The following DAZL variants were observed in gnomAD, a reference collection of about 807,000 sequenced individuals.
DAZL encodes deleted in azoospermia like.
In DAZL, 4 loss-of-function variants were observed where a neutral mutation model predicts 45.0. The observed-to-expected ratio is 0.09, with a 90% CI of 0.04 to 0.20. The LOEUF (loss-of-function observed/expected upper bound fraction) is 0.20, where lower values mean the gene tolerates loss of function less well. Among genes scored for constraint, DAZL ranks in the 10% least tolerant of loss-of-function variants. The probability of loss-of-function intolerance (pLI) is 1.00; values close to 1 mark genes in which losing one functional copy is unlikely to be tolerated. For missense variants in DAZL, 326 were observed against 351.3 expected (o/e 0.93, Z 0.58); for synonymous variants, 122 against 112.4 (o/e 1.09, Z -0.54).
At chr3:16,592,185 T>A (rs759487829) in intron 9 of DAZL, 37 bp from the exon 10 acceptor site, 1 of 1,605,280 alleles carries the variant, frequency 6.2e-7, no homozygotes, top group Admixed American at 1.7e-5. Flanking sequence ...TAAAGACGAC[T>A]CTTTCACTCA....
At chr3:16,598,753 G>C (rs376801269) in intron 1 of DAZL, among the ~76,000 whole-genome samples, 155 bp from the exon 2 acceptor site, 1 of 151,406 alleles carries the variant, frequency 6.6e-6, no homozygotes, top group Admixed American at 6.6e-5. Flanking sequence ...TATCAGAGTA[G>C]ATCAGCATGA....
chr3:16,602,433 T>G (rs3773832), intron 1 of DAZL, among the ~76,000 whole-genome samples: 40,335 of 151,828 alleles, frequency 0.27, 5,522 homozygotes, highest in Non-Finnish European at 0.3. Context: ...CAGAGAGAGG[T>G]GCACATACAC....
In DAZL at chr3:16,588,363, G is replaced by C. The variant is rs1694469547; in HGVS notation, c.*297C>G. The C allele has an allele frequency of 5.9e-6, 2 of 336,810 alleles. No individual in the cohort carries two copies. The highest frequency in any genetic ancestry group is 6.1e-5 in the South Asian group (2 of 32,696). 20.9% of individuals were successfully genotyped at this position (336,810 alleles called of 1,614,324 possible). On this transcript the variant is annotated 3_prime_UTR_variant, in exon 11 of 11. Transcript: ENST00000399444. ...TTTAAAAACATTTTTTTGAAAATCAGTATTTGCTTTTAAACACTTAAAATG... is the reference window on the plus strand; with the variant it reads ...TTTAAAAACATTTTTTTGAAAATCACTATTTGCTTTTAAACACTTAAAATG...
Position 16,593,759 on chromosome 3 carries a change from C to T in DAZL, c.631G>A (p.Ala211Thr), listed in dbSNP as rs1384094741. ...ACTTCATTACAGTGGTAGTTAACAG[C>T]TGAATAAGCCTATATTTAAAATAAT... ...RSYVVPPAYSAVNYHCNEVDP... is the reference protein window; with the variant it reads ...RSYVVPPAYSTVNYHCNEVDP... Residue 211 changes from alanine (A) to threonine (T), a missense_variant, in exon 9 of 11, where the codon GCT becomes ACT. By Grantham distance (58) the Ala-to-Thr change is moderately conservative. Coordinates refer to ENST00000399444, the MANE Select transcript of DAZL (RefSeq NM_001351.4). 1.3e-5 allele frequency: 21 copies of T among 1,597,420 alleles called. No individual in the cohort carries two copies. The highest frequency in any genetic ancestry group is 7.8e-5 in the South Asian group (7 of 90,316).
Position 16,604,797 on chromosome 3 carries a change from G to A in DAZL, c.3+406C>T, listed in dbSNP as rs991357037. 40 of 1,343,496 alleles carry A rather than the reference G, an allele frequency of 3.0e-5. No individual in the cohort carries two copies. The African/African-American group carries it at 4.5e-4, about 15-fold the overall frequency. 83.2% of individuals were successfully genotyped at this position (1,343,496 alleles called of 1,614,324 possible). A position where few individuals can be genotyped will look rare whatever the true frequency, so the allele number is the denominator to read the frequency against. The stretch of plus-strand genomic sequence containing the variant: ...GGCGGAGGCGCGTGGGAGTGGGGGA[G>A]GGGCGGAGGCGCGTGAGTGGGGGAG... On this transcript the variant is annotated intron_variant, in intron 1 of 10. Transcript: ENST00000399444.
At chr3:16,594,338 G>C (rs963132594) in intron 8 of DAZL, among the ~76,000 whole-genome samples, 195 bp downstream of exon 8, 2 of 152,016 alleles carry the variant, frequency 1.3e-5, no homozygotes, top group Non-Finnish European at 2.9e-5. Context: ...AAAAACCTGA[G>C]AGAAGAAGGC....
chr3:16,605,299 A>T lies in DAZL; in HGVS notation c.-94T>A. 5 of 1,498,032 alleles carry T rather than the reference A, an allele frequency of 3.3e-6. No individual in the cohort carries two copies. The highest frequency in any genetic ancestry group is 4.7e-6 in the Non-Finnish European group (5 of 1,074,392). 92.8% of individuals were successfully genotyped at this position (1,498,032 alleles called of 1,614,324 possible). A position where few individuals can be genotyped will look rare whatever the true frequency, so the allele number is the denominator to read the frequency against. ...TGGGGCTGCTGTGAGGTCCGCTGGA[A>T]CCCGCTGCGCGGCTTCGAGTGGTCA... On this transcript the variant is annotated 5_prime_UTR_variant, in exon 1 of 11. Transcript: ENST00000399444.
At position 16,598,536 on chromosome 3, in the gene DAZL, T is replaced by G. The variant is rs1279296153; in HGVS notation, c.66A>C (p.Ser22=). The stretch of plus-strand genomic sequence containing the variant: ...TATAGCCTTGGCTGGTTGCAGCTGA[T>G]GAGGACTGGGTGCTGGCCTCTCTGG... ...TISREASTQS[S]SAATSQGYIL... is the part of the protein sequence containing the mutation. Residue 22 remains serine (S), a synonymous_variant, in exon 2 of 11, where the codon TCA becomes TCC. Coordinates refer to ENST00000399444, the MANE Select transcript of DAZL (RefSeq NM_001351.4). The G allele has an allele frequency of 6.2e-6, 10 of 1,605,492 alleles. No homozygotes were observed. Among genetic ancestry groups the G allele is most frequent in the East Asian group, 2.2e-5 (1 of 44,840 alleles).
intron 4 of DAZL, 104 bp from the exon 5 acceptor site, chr3:16,597,155 A>G (rs1366438516): frequency 1.5e-6 from 2 of 1,313,540 alleles, no homozygotes; most frequent in Non-Finnish European, 2.2e-6. Context: ...ATCATAGAAG[A>G]TCAGTGATAA....
chr3:16,603,259 G>A (rs939781172), intron 1 of DAZL, among the ~76,000 whole-genome samples: 7 of 152,084 alleles, frequency 4.6e-5, no homozygotes, highest in African/African-American at 1.7e-4. Context: ...GGGGTAAAGC[G>A]CTTTCACCCA....
At chr3:16,599,184 TAAA>T (rs111790325) in intron 1 of DAZL, among the ~76,000 whole-genome samples, 2 of 146,408 alleles carry the variant, frequency 1.4e-5, no homozygotes, top group Non-Finnish European at 3.0e-5. Flanking sequence ...GTGAATTACT[TAAA>T]AAAAAAACAA....
rs183385448 is a variant in DAZL at position 16,588,279 on chromosome 3, T to C, written c.*381A>G. The C allele has an allele frequency of 6.1e-4, 176 of 286,662 alleles. 1 individual carries two copies. The Middle Eastern group carries it at 0.016, about 25-fold the overall frequency. 17.8% of individuals were successfully genotyped at this position (286,662 alleles called of 1,614,324 possible). ...ATACTGTACTGTTCACAGGTACTTG[T>C]TGGAGAAGTGAAATGTTTGTATTCA... On this transcript the variant is annotated 3_prime_UTR_variant, in exon 11 of 11. Transcript: ENST00000399444.
chr3:16,596,965 G>T, intron 5 of DAZL, 23 bp downstream of exon 5: 1 of 1,612,982 alleles, frequency 6.2e-7, no homozygotes, highest in Non-Finnish European at 8.5e-7. Flanking sequence ...TGTTTAAAAA[G>T]AACAATTTCT....
At chr3:16,594,346 G>C (rs970880438) in intron 8 of DAZL, among the ~76,000 whole-genome samples, 187 bp downstream of exon 8, 8 of 151,914 alleles carry the variant, frequency 5.3e-5, no homozygotes, top group African/African-American at 1.9e-4. Context: ...GAGAGAAGAA[G>C]GCACTGTTGC....
At chr3:16,597,711 CTA>C (rs1168820857) in intron 3 of DAZL, among the ~76,000 whole-genome samples, 170 bp from the exon 4 acceptor site, 1 of 152,100 alleles carries the variant, frequency 6.6e-6, no homozygotes, top group Non-Finnish European at 1.5e-5. Context: ...TTCATCTGAA[CTA>C]TGTCAATCAA....
intron 10 of DAZL, among the ~76,000 whole-genome samples, chr3:16,591,095 A>C (rs1344245836): frequency 6.6e-6 from 1 of 152,176 alleles, no homozygotes; most frequent in Admixed American, 6.5e-5. Context: ...CTCCCATTGG[A>C]CTGACCAAGT....
intron 4 of DAZL, 41 bp from the exon 5 acceptor site, chr3:16,597,092 G>A (rs374261471): frequency 1.1e-5 from 18 of 1,581,324 alleles, no homozygotes; most frequent in African/African-American, 4.0e-5. Flanking sequence ...CAATTTTCAA[G>A]TCTTTACTTC....
Position 16,587,236 on chromosome 3 carries a change from C to G in DAZL, c.*1424G>C, listed in dbSNP as rs999869936. On this transcript the variant is annotated 3_prime_UTR_variant, in exon 11 of 11. Transcript: ENST00000399444. Reference sequence around the variant, plus strand: ...TTAAGGAATTATAGACCCTAGGGGGCACTAGTAATATGGCTCACAGTAACT... The same window carrying G: ...TTAAGGAATTATAGACCCTAGGGGGGACTAGTAATATGGCTCACAGTAACT... The G allele has an allele frequency of 5.9e-5, 9 of 152,064 alleles. No individual in the cohort carries two copies. The highest frequency in any genetic ancestry group is 2.2e-4 in the African/African-American group (9 of 41,422). The allele number at this position is 152,064 out of a possible 1,614,324, so 9.4% of individuals were successfully genotyped here. A position where few individuals can be genotyped will look rare whatever the true frequency, so the allele number is the denominator to read the frequency against.
In DAZL at chr3:16,593,717, C is replaced by T. The variant is rs867219496; in HGVS notation, c.673G>A (p.Val225Ile). ...TGAACTGAACATTCATTTGGCACAA[C>T]TTCAGCTCCTGGATCAACTTCATTA... ...HCNEVDPGAE[V>I]VPNECSVHEA... The change falls in exon 9 of 11, where the codon GTT becomes ATT. Residue 225 changes from valine (V) to isoleucine (I), a missense_variant. Transcript: ENST00000399444. 1.2e-6 allele frequency: 2 copies of T among 1,612,900 alleles called. No individual in the cohort carries two copies. Among genetic ancestry groups the T allele is most frequent in the Non-Finnish European group, 1.7e-6 (2 of 1,179,308 alleles).
Sources: allele counts gnomAD v4.1 joint callset (sites outside exome capture counted in the v4.1 genomes callset), GRCh38; gene constraint gnomAD v4.1.1; transcripts MANE v1.5; gene names NCBI Gene and HGNC (gene_info 2026-07-23, HGNC 2026-07-21).